The following RECK variants were observed in gnomAD, a reference collection of about 807,000 sequenced individuals.
The protein encoded by RECK is reversion inducing cysteine rich protein with kazal motifs, also known as reversion-inducing cysteine-rich protein with Kazal motifs.
A neutral mutation model predicts 115.1 loss-of-function variants in RECK; 69 were observed. The observed-to-expected ratio is 0.60, with a 90% CI of 0.49 to 0.73. The LOEUF (loss-of-function observed/expected upper bound fraction) is 0.73. RECK is among the 30% of genes least tolerant of loss of function. The pLI, the probability that RECK is intolerant of heterozygous loss-of-function variation, is 0.00. For synonymous variants in RECK, 414 were observed against 419.7 expected (o/e 0.99, Z 0.17); for missense variants, 1,047 against 1,203.7 (o/e 0.87, Z 1.93).
chr9:36,078,218 C>A (rs1822532385), intron 6 of RECK, among the ~76,000 whole-genome samples: 1 of 152,256 alleles, frequency 6.6e-6, no homozygotes, highest in African/African-American at 2.4e-5. Context: ...AGTATTTCCC[C>A]TTTCTAGGCC....
intron 10 of RECK, among the ~76,000 whole-genome samples, chr9:36,098,500 ATTC>A (rs1366889814): frequency 2.0e-5 from 3 of 152,238 alleles, no homozygotes; most frequent in Admixed American, 2.0e-4. Context: ...AGCAAGTGGA[ATTC>A]TTGTAGTATG....
chr9:36,120,505 G>A (rs1001880822), intron 18 of RECK, among the ~76,000 whole-genome samples, 158 bp from the exon 19 acceptor site: 1 of 152,154 alleles, frequency 6.6e-6, no homozygotes, highest in Admixed American at 6.5e-5. Flanking sequence ...GAGATGAGAG[G>A]ACTCCAGGTT....
Position 36,121,397 on chromosome 9 carries a change from C to T in RECK, c.2539-136C>T, listed in dbSNP as rs2132678945. The T allele has an allele frequency of 4.0e-6, 3 of 744,856 alleles. No homozygotes were observed. The East Asian group carries it at 8.1e-5, about 20-fold the overall frequency. 46.1% of individuals were successfully genotyped at this position (744,856 alleles called of 1,614,324 possible). On this transcript the variant is annotated intron_variant, in intron 19 of 20. Transcript: ENST00000377966. ...ACTGGAGATTCAGAATTTGGCCTAG[C>T]AAAGCTGCGGTTGGGCCTTCCGCTG...
chr9:36,091,272 T>C lies in RECK; in HGVS notation c.1014T>C (p.Cys338=). The C allele has an allele frequency of 6.2e-7, 1 of 1,611,176 alleles. No individual in the cohort carries two copies. The highest frequency in any genetic ancestry group is 8.5e-7 in the Non-Finnish European group (1 of 1,179,078). ...YNPVEVSMLT[C]LADVREPCQL... ...CAGTGGAAGTGTCCATGTTGACCTG[T>C]TTAGCGGATGTCCGGGAACCTTGCC... Residue 338 remains cysteine, a synonymous_variant, in exon 10 of 21, where the codon TGT becomes TGC. Coordinates refer to ENST00000377966, the MANE Select transcript of RECK (RefSeq NM_021111.3).
rs371801859 is a variant in RECK at position 36,063,821 on chromosome 9, G to C, written c.298G>C (p.Val100Leu). 1.2e-6 allele frequency: 2 copies of C among 1,614,096 alleles called. No individual in the cohort carries two copies. The highest frequency in any genetic ancestry group is 8.5e-7 in the Non-Finnish European group (1 of 1,179,958). ...PGVFKKSDGW[V>L]GLGCCELAIA... Reference sequence around the variant, plus strand: ...TGTGTTTAAGAAGTCTGATGGCTGGGTTGGCTTAGGCTGCTGTGAACTGGC... The same window carrying C: ...TGTGTTTAAGAAGTCTGATGGCTGGCTTGGCTTAGGCTGCTGTGAACTGGC... Residue 100 changes from valine to leucine, a missense_variant, in exon 5 of 21, where the codon GTT (valine) becomes CTT (leucine). Coordinates refer to ENST00000377966, the MANE Select transcript of RECK (RefSeq NM_021111.3).
intron 8 of RECK, among the ~76,000 whole-genome samples, chr9:36,086,582 C>G (rs2132631930): frequency 6.6e-6 from 1 of 152,246 alleles, no homozygotes; most frequent in Non-Finnish European, 1.5e-5. Context: ...CAGGTTGCCA[C>G]TGCTGGCTCG....
At position 36,123,765 on chromosome 9, in the gene RECK, A is replaced by G. The variant is rs1012570268; in HGVS notation, c.*720A>G. The G allele has an allele frequency of 2.9e-4, 44 of 152,256 alleles. No individual in the cohort carries two copies. The highest frequency in any genetic ancestry group is 1.0e-3 in the African/African-American group (43 of 41,464). 9.4% of individuals were successfully genotyped at this position (152,256 alleles called of 1,614,324 possible). On this transcript the variant is annotated 3_prime_UTR_variant, in exon 21 of 21. Transcript: ENST00000377966. Reference sequence around the variant, plus strand: ...GTGACATTGCATCAAAGCATCTTGCATTATGCAATTTTTATATTAACCAGA... The same window carrying G: ...GTGACATTGCATCAAAGCATCTTGCGTTATGCAATTTTTATATTAACCAGA...
intron 6 of RECK, among the ~76,000 whole-genome samples, chr9:36,066,198 C>T (rs910409701): frequency 2.0e-5 from 3 of 151,970 alleles, no homozygotes; most frequent in Admixed American, 6.6e-5. Flanking sequence ...AGGGGTATAG[C>T]GGAAGTATTT....
At chr9:36,121,870 C>T (rs760130137) in intron 20 of RECK, among the ~76,000 whole-genome samples, 182 bp downstream of exon 20, 6 of 152,160 alleles carry the variant, frequency 3.9e-5, no homozygotes, top group Non-Finnish European at 7.3e-5. Context: ...AGCACTTTGC[C>T]AGTGGCTGAG....
chr9:36,105,829 G>A (rs1300077558), intron 13 of RECK, among the ~76,000 whole-genome samples: 2 of 152,236 alleles, frequency 1.3e-5, no homozygotes, highest in East Asian at 3.9e-4. Context: ...TTATCTTTCT[G>A]TCAATCCCTT....
intron 18 of RECK, among the ~76,000 whole-genome samples, chr9:36,119,403 T>G (rs569429357): frequency 6.6e-6 from 1 of 152,352 alleles, no homozygotes; most frequent in East Asian, 1.9e-4. Flanking sequence ...TAGATTGGCC[T>G]TAACATCTAA....
At chr9:36,077,859 T>C (rs982598825) in intron 6 of RECK, among the ~76,000 whole-genome samples, 1 of 152,108 alleles carries the variant, frequency 6.6e-6, no homozygotes, top group Non-Finnish European at 1.5e-5. Flanking sequence ...GGCTTGGAGA[T>C]CATTCACTCT....
At chr9:36,038,415 C>T (rs148660063) in intron 1 of RECK, among the ~76,000 whole-genome samples, 52 of 152,282 alleles carry the variant, frequency 3.4e-4, no homozygotes, top group Non-Finnish European at 6.8e-4. Context: ...AATCAGATTA[C>T]TTTCCTGGGC....
chr9:36,120,640 A>T, intron 18 of RECK, 23 bp from the exon 19 acceptor site: 1 of 1,572,680 alleles, frequency 6.4e-7, no homozygotes, highest in Non-Finnish European at 8.7e-7. Context: ...CTGAACGCAC[A>T]TAAAATGGTT....
In RECK at chr9:36,115,527, GC is replaced by G. The variant is rs1331693946; in HGVS notation, c.2061-1457del. 5.3e-5 allele frequency among the ~76,000 whole-genome samples: 8 copies of G among 151,908 alleles called. No individual in the cohort carries two copies. The East Asian group carries it at 1.5e-3, about 29-fold the overall frequency. On this transcript the variant is annotated intron_variant, in intron 16 of 20. Transcript: ENST00000377966. ...ATTTCCATATACTCAAATTGATCAA[GC>G]TTTTTCTCTCAAAGTTACCAAATTT...
chr9:36,091,449 C>CT, intron 10 of RECK, 106 bp downstream of exon 10: 2 of 878,974 alleles, frequency 2.3e-6, no homozygotes, highest in Non-Finnish European at 3.3e-6. Context: ...AAAAGAAAGT[C>CT]TTCTTTATGA....
At chr9:36,058,804 A>ACTT in intron 2 of RECK, 23 bp from the exon 3 acceptor site, 4 of 1,503,328 alleles carry the variant, frequency 2.7e-6, no homozygotes, top group Non-Finnish European at 3.6e-6. Context: ...TGCCACAAAA[A>ACTT]CTTTTTTTTT....
intron 9 of RECK, among the ~76,000 whole-genome samples, chr9:36,089,114 A>G (rs2132635192): frequency 1.3e-5 from 2 of 152,312 alleles, no homozygotes; most frequent in South Asian, 4.1e-4. Context: ...CTCCAAAGAA[A>G]ATTAACAAAA....
rs764209483 is a variant in RECK, at chr9:36,065,530, T to C, written c.358-47T>C. The C allele has an allele frequency of 4.1e-6, 6 of 1,468,318 alleles. No individual in the cohort carries two copies. In the East Asian group the frequency reaches 1.4e-4, roughly 35 times the overall value. The allele number at this position is 1,468,318 out of a possible 1,614,324, so 91.0% of individuals were successfully genotyped here. A position where few individuals can be genotyped will look rare whatever the true frequency, so the allele number is the denominator to read the frequency against. ...AATTTATGTTCTTTTTGCCCTGTGC[T>C]GAATAGCATGTATAATAAATTAATG... On this transcript the variant is annotated intron_variant, in intron 5 of 20. Coordinates refer to ENST00000377966, the MANE Select transcript of RECK (RefSeq NM_021111.3).
Sources: allele counts gnomAD v4.1 joint callset (sites outside exome capture counted in the v4.1 genomes callset), GRCh38; gene constraint gnomAD v4.1.1; transcripts MANE v1.5; gene names NCBI Gene and HGNC (gene_info 2026-07-23, HGNC 2026-07-21).